Variants in KDM5C observed in about 807,000 individuals in gnomAD.
The protein encoded by KDM5C is lysine-specific demethylase 5C.
In KDM5C, 16 loss-of-function variants were observed where a neutral mutation model predicts 110.6. The observed-to-expected ratio is 0.14, with a 90% CI of 0.10 to 0.22. The LOEUF is 0.22. Ranked by LOEUF, KDM5C falls within the 10% of genes least tolerant of loss-of-function variation. The pLI, the probability that KDM5C is intolerant of heterozygous loss-of-function variation, is 1.00. For missense variants in KDM5C, 681 were observed against 1,300.9 expected, an observed-to-expected ratio of 0.52 and a Z score of 7.33; for synonymous variants, 511 against 520.4, an observed-to-expected ratio of 0.98 and a Z score of 0.24.
At chrX:53,221,857 GAC>G (rs1323740422) in intron 1 of KDM5C, 1 of 548,932 alleles carries the variant, frequency 1.8e-6, no homozygotes, top group African/African-American at 2.4e-5. Context: ...GAAAGTGGGA[GAC>G]ACTCTGCTCT....
rs782585482 is a variant in KDM5C, at chrX:53,215,966, C to A, written c.792G>T (p.Gly264=). The A allele has an allele frequency of 1.5e-5, 18 of 1,210,360 alleles. No homozygotes were observed. The African/African-American group carries it at 1.9e-4, about 13-fold the overall frequency. Reference sequence around the variant, plus strand: ...CCACTACTGTGGGGGGACACTCAGGCCCCTCCTTATCTGGGAGAGAGAAAA... The same window carrying A: ...CCACTACTGTGGGGGGACACTCAGGACCCTCCTTATCTGGGAGAGAGAAAA... ...DKTLRKKDKE[G]PECPPTVVVK... is the part of the protein sequence containing the mutation. The change falls in exon 7 of 26, where the codon GGG becomes GGT. Residue 264 remains glycine (G), a synonymous_variant. Coordinates refer to ENST00000375401, the MANE Select transcript of KDM5C (RefSeq NM_004187.5).
At chrX:53,221,300 G>A (rs1377063595) in intron 1 of KDM5C, among the ~76,000 whole-genome samples, 2 of 110,882 alleles carry the variant, frequency 1.8e-5, no homozygotes, top group Non-Finnish European at 3.8e-5. Flanking sequence ...AGGCCTGGGA[G>A]TACTGGAAAG....
intron 21 of KDM5C, 69 bp from the exon 22 acceptor site, chrX:53,195,137 G>A: frequency 8.5e-7 from 1 of 1,174,504 alleles, no homozygotes; most frequent in East Asian, 3.1e-5. Flanking sequence ...TCCCTCCCTG[G>A]TGCCCCTACA....
intron 19 of KDM5C, 113 bp downstream of exon 19, chrX:53,196,573 C>A: frequency 3.3e-6 from 2 of 600,722 alleles, no homozygotes; most frequent in Non-Finnish European, 5.6e-6. Flanking sequence ...AGAGTCAATA[C>A]AGTAACACAG....
intron 8 of KDM5C, 49 bp downstream of exon 8, chrX:53,214,640 G>A: frequency 8.6e-7 from 1 of 1,169,367 alleles, no homozygotes; most frequent in Non-Finnish European, 1.2e-6. Flanking sequence ...GCCAGATGAA[G>A]GAAGGCAAGG....
At chrX:53,204,389 C>T (rs182357226) in intron 12 of KDM5C, among the ~76,000 whole-genome samples, 1 of 110,498 alleles carries the variant, frequency 9.0e-6, no homozygotes. Flanking sequence ...TTCAATTGTA[C>T]CTAGGAGACC....
rs2146812552 is a variant in KDM5C at position 53,193,200 on chromosome X, T to C, written c.4450A>G (p.Ser1484Gly). 8.3e-7 allele frequency: 1 copy of C among 1,209,991 alleles called. No individual in the cohort carries two copies. Among genetic ancestry groups the C allele is most frequent in the Non-Finnish European group, 1.1e-6 (1 of 895,228 alleles). The change falls in exon 26 of 26, where the codon AGC becomes GGC. Residue 1484 changes from serine (S) to glycine (G), a missense_variant. Physicochemically the swap from Ser to Gly is moderately conservative, Grantham distance 56. Coordinates refer to ENST00000375401, the MANE Select transcript of KDM5C (RefSeq NM_004187.5). The stretch of plus-strand genomic sequence containing the variant: ...ACCTCCTCAGCCTCTGGCCCTGAGC[T>C]CCGTACCCTCTTTGGCTCTAGCTCC... ...REELEPKRVR[S>G]SGPEAEEVQE...
chrX:53,205,028 A>G (rs1320513030), intron 12 of KDM5C, among the ~76,000 whole-genome samples: 2 of 111,272 alleles, frequency 1.8e-5, no homozygotes, highest in African/African-American at 6.6e-5. Flanking sequence ...CATCTCTGTA[A>G]TTTTTTTCAC....
intron 14 of KDM5C, among the ~76,000 whole-genome samples, chrX:53,200,850 T>C (rs1456928603): frequency 1.8e-5 from 2 of 112,097 alleles, no homozygotes; most frequent in African/African-American, 6.5e-5. Context: ...TCCACTCAGC[T>C]ACACACACAA....
chrX:53,220,981 C>T (rs1556854434), intron 1 of KDM5C, 65 bp from the exon 2 acceptor site: 3 of 984,695 alleles, frequency 3.0e-6, no homozygotes, highest in Non-Finnish European at 4.3e-6. Flanking sequence ...CGGAAGTCAC[C>T]AAAAGCAGCT....
intron 2 of KDM5C, among the ~76,000 whole-genome samples, chrX:53,219,330 C>G (rs1272007353): frequency 8.9e-6 from 1 of 112,621 alleles, no homozygotes; most frequent in Non-Finnish European, 1.9e-5. Context: ...GCACATGCAC[C>G]TCCTTATGTA....
intron 18 of KDM5C, 37 bp downstream of exon 18, chrX:53,197,734 C>T (rs1556838500): frequency 1.9e-6 from 2 of 1,074,852 alleles, no homozygotes; most frequent in Admixed American, 2.4e-5. Context: ...GTCCCCTGGT[C>T]CCCTTGATCC....
At chrX:53,179,205 G>C (rs1933963974) in intron 25 of KDM5C, among the ~76,000 whole-genome samples, 1 of 99,295 alleles carries the variant, frequency 1.0e-5, no homozygotes, top group Non-Finnish European at 2.0e-5. Context: ...TTGCACTCCA[G>C]TCTGGGTGAC....
intron 14 of KDM5C, among the ~76,000 whole-genome samples, chrX:53,199,822 T>C (rs2073086108): frequency 8.9e-6 from 1 of 111,863 alleles, no homozygotes; most frequent in Non-Finnish European, 1.9e-5. Context: ...AGTGTGTATA[T>C]CTAATGGGCA....
Position 53,192,715 on chromosome X carries a change from C to T in KDM5C, c.*252G>A, listed in dbSNP as rs1556831573. ...CCCACCAGCCCATCCATCTATCTGC[C>T]TCAGGTGTCTGGGAATGCTGGTTAG... On this transcript the variant is annotated 3_prime_UTR_variant, in exon 26 of 26. Coordinates refer to ENST00000375401, the MANE Select transcript of KDM5C (RefSeq NM_004187.5). 3 of 1,160,580 alleles carry T rather than the reference C, an allele frequency of 2.6e-6. No homozygotes were observed. Among genetic ancestry groups the T allele is most frequent in the Non-Finnish European group, 3.5e-6 (3 of 869,207 alleles).
Position 53,211,661 on chromosome X carries a change from G to A in KDM5C, c.1243-6C>T. On this transcript the variant is annotated splice_polypyrimidine_tract_variant and splice_region_variant and intron_variant, in intron 9 of 25. Transcript: ENST00000375401. ...ACAAGTTCTGTGGGCACCATCTGGG[G>A]GAAGACAGGTAGCAGATGACTATGG... is the stretch of plus-strand genomic sequence containing the variant. 3 of 1,211,416 alleles carry A rather than the reference G, an allele frequency of 2.5e-6. No individual in the cohort carries two copies. Among genetic ancestry groups the A allele is most frequent in the Non-Finnish European group, 2.2e-6 (2 of 895,267 alleles).
chrX:53,198,160 C>T (rs1037988541), intron 17 of KDM5C, among the ~76,000 whole-genome samples: 3 of 111,814 alleles, frequency 2.7e-5, no homozygotes. Context: ...CAGGTCTATA[C>T]ATCTTTGTCC....
chrX:53,211,934 A>T, intron 8 of KDM5C, 28 bp from the exon 9 acceptor site: 1 of 1,208,293 alleles, frequency 8.3e-7, no homozygotes, highest in Non-Finnish European at 1.1e-6. Context: ...ACATGTCACC[A>T]AAACAGAGGC....
chrX:53,195,154 A>C (rs1428267444), intron 21 of KDM5C, 77 bp downstream of exon 21: 10 of 1,168,423 alleles, frequency 8.6e-6, no homozygotes, highest in Non-Finnish European at 1.0e-5. Context: ...TACAAAACCC[A>C]TGTTATCTCA....
Sources: allele counts gnomAD v4.1 joint callset (sites outside exome capture counted in the v4.1 genomes callset), GRCh38; gene constraint gnomAD v4.1.1; transcripts MANE v1.5; gene names NCBI Gene and HGNC (gene_info 2026-07-23, HGNC 2026-07-21).